The following GABRG3 variants were observed in gnomAD, a reference collection of about 807,000 sequenced individuals.
GABRG3 encodes gamma-aminobutyric acid receptor subunit gamma-3.
Under a neutral mutation model 48.8 loss-of-function variants are expected in GABRG3, and 25 were observed. That is an observed-to-expected ratio of 0.51 (90% CI 0.37 to 0.72). GABRG3 has a LOEUF of 0.72. GABRG3 is among the 30% of genes least tolerant of loss of function. The pLI is 0.00. For synonymous variants in GABRG3, 227 were observed against 217.6 expected, an observed-to-expected ratio of 1.04 and a Z score of -0.38; for missense variants, 394 against 577.9, an observed-to-expected ratio of 0.68 and a Z score of 3.26.
intron 3 of GABRG3, among the ~76,000 whole-genome samples, chr15:27,183,194 T>G (rs954111137): frequency 6.6e-6 from 1 of 152,202 alleles, no homozygotes; most frequent in Non-Finnish European, 1.5e-5. Flanking sequence ...TGCTTTATTT[T>G]CTTTCTAATA....
chr15:27,130,849 G>T (rs1281798608), intron 3 of GABRG3, among the ~76,000 whole-genome samples: 1 of 151,828 alleles, frequency 6.6e-6, no homozygotes, highest in Non-Finnish European at 1.5e-5. Flanking sequence ...ACTGATTTGG[G>T]GTGTTGACTT....
chr15:27,420,392 G>T (rs1241289017), intron 5 of GABRG3, among the ~76,000 whole-genome samples: 1 of 152,180 alleles, frequency 6.6e-6, no homozygotes, highest in Non-Finnish European at 1.5e-5. Context: ...TGAACTTGGG[G>T]TATGAAAGAA....
intron 3 of GABRG3, among the ~76,000 whole-genome samples, chr15:27,203,364 A>G (rs1888750795): frequency 6.6e-6 from 1 of 152,180 alleles, no homozygotes; most frequent in Non-Finnish European, 1.5e-5. Context: ...TGTTGCTGCA[A>G]AGGATATGAT....
chr15:27,074,353 G>T (rs1053058511), intron 3 of GABRG3, among the ~76,000 whole-genome samples: 1 of 152,102 alleles, frequency 6.6e-6, no homozygotes, highest in African/African-American at 2.4e-5. Flanking sequence ...GAGAGAGAGT[G>T]TTCCAGCAAG....
intron 3 of GABRG3, among the ~76,000 whole-genome samples, chr15:27,152,999 C>T (rs1034048511): frequency 6.6e-6 from 1 of 151,856 alleles, no homozygotes; most frequent in Non-Finnish European, 1.5e-5. Flanking sequence ...TAGCTGGGAC[C>T]ACAGGCACCC....
rs1328507467 is a variant in GABRG3 at position 27,308,213 on chromosome 15, CAT to C, written c.271-18590_271-18589del. 1.8e-4 allele frequency among the ~76,000 whole-genome samples: 8 copies of C among 45,498 alleles called. 1 individual carries two copies. The highest frequency in any genetic ancestry group is 8.1e-4 in the African/African-American group (7 of 8,650). 29.8% of individuals were successfully genotyped at this position (45,498 alleles called of 152,430 possible). A position where few individuals can be genotyped will look rare whatever the true frequency, so the allele number is the denominator to read the frequency against. On this transcript the variant is annotated intron_variant, in intron 3 of 9. Transcript: ENST00000615808. ...ATATAAACATGTTTATATATCCAAA[CAT>C]ATATAAACATGTTTATATATCCAAA...
At chr15:27,249,986 GT>G (rs1409943903) in intron 3 of GABRG3, among the ~76,000 whole-genome samples, 2 of 152,134 alleles carry the variant, frequency 1.3e-5, no homozygotes, top group Non-Finnish European at 2.9e-5. Context: ...AGTCTATGGG[GT>G]GGGGCTGAGT....
At chr15:27,227,388 C>T (rs1426877527) in intron 3 of GABRG3, among the ~76,000 whole-genome samples, 4 of 151,886 alleles carry the variant, frequency 2.6e-5, no homozygotes, top group Non-Finnish European at 4.4e-5. Flanking sequence ...TCCTTTGTTA[C>T]TTGGGAGGCT....
chr15:27,335,572 G>T (rs1275449766), intron 5 of GABRG3, among the ~76,000 whole-genome samples: 1 of 152,022 alleles, frequency 6.6e-6, no homozygotes, highest in Non-Finnish European at 1.5e-5. Flanking sequence ...GTCAAATAAG[G>T]CCAACAAAAA....
chr15:27,313,272 A>ATATATATATATATGTG (rs1555370922), intron 3 of GABRG3, among the ~76,000 whole-genome samples: 1 of 61,970 alleles, frequency 1.6e-5, no homozygotes, highest in East Asian at 6.6e-4. Context: ...GTATATATAT[A>ATATATATATATATGTG]TATATATATA....
intron 3 of GABRG3, among the ~76,000 whole-genome samples, chr15:27,087,634 A>G (rs1362757004): frequency 6.6e-6 from 1 of 151,944 alleles, no homozygotes; most frequent in African/African-American, 2.4e-5. Flanking sequence ...AATGTGTGAG[A>G]TTGTATGTGC....
intron 5 of GABRG3, among the ~76,000 whole-genome samples, chr15:27,458,405 C>G (rs1471161967): frequency 6.6e-6 from 1 of 152,202 alleles, no homozygotes. Context: ...AATTCTCACC[C>G]TGATTGAAAT....
intron 3 of GABRG3, among the ~76,000 whole-genome samples, chr15:27,118,063 T>C (rs1897672985): frequency 6.6e-6 from 1 of 152,202 alleles, no homozygotes; most frequent in Non-Finnish European, 1.5e-5. Context: ...TTAACCAGTT[T>C]CAAGGCTTCA....
intron 5 of GABRG3, among the ~76,000 whole-genome samples, chr15:27,406,531 CAT>C (rs1229763039): frequency 2.0e-5 from 3 of 152,166 alleles, no homozygotes; most frequent in Non-Finnish European, 4.4e-5. Context: ...CACTCATGCA[CAT>C]GTTTAGCCAC....
chr15:27,296,077 G>A (rs959463926), intron 3 of GABRG3, among the ~76,000 whole-genome samples: 3 of 152,122 alleles, frequency 2.0e-5, no homozygotes, highest in Non-Finnish European at 4.4e-5. Flanking sequence ...TGGTGAGCAG[G>A]ACCTGGGTGG....
intron 5 of GABRG3, among the ~76,000 whole-genome samples, chr15:27,468,347 C>T (rs1889680660): frequency 6.6e-6 from 1 of 152,026 alleles, no homozygotes; most frequent in South Asian, 2.1e-4. Flanking sequence ...GTGGAGACTT[C>T]TCAGAACTGT....
At position 27,101,390 on chromosome 15, in the gene GABRG3, G is replaced by A. The variant is rs564281078; in HGVS notation, c.270+74569G>A. On this transcript the variant is annotated intron_variant, in intron 3 of 9. Coordinates refer to ENST00000615808, the MANE Select transcript of GABRG3 (RefSeq NM_033223.5). ...AGTAAAGATGTCCATTTTTCCTTAC[G>A]TGATCTGCAGGTTTAATGCAATTCC... Among the ~76,000 whole-genome samples, 4 of 152,188 alleles carry A rather than the reference G, an allele frequency of 2.6e-5. No individual in the cohort carries two copies. The East Asian group carries it at 7.7e-4, about 29-fold the overall frequency.
intron 2 of GABRG3, among the ~76,000 whole-genome samples, chr15:26,998,803 G>A (rs1895387750): frequency 6.6e-6 from 1 of 152,162 alleles, no homozygotes; most frequent in South Asian, 2.1e-4. Flanking sequence ...AACGAATCTA[G>A]GGTGGAGGAA....
chr15:27,188,070 T>C (rs1435570913), intron 3 of GABRG3, among the ~76,000 whole-genome samples: 1 of 152,160 alleles, frequency 6.6e-6, no homozygotes, highest in Non-Finnish European at 1.5e-5. Flanking sequence ...TCATTTTTTA[T>C]GGCTGCATAG....
Sources: gnomAD v4.1 joint callset for allele counts (sites outside exome capture counted in the v4.1 genomes callset) on GRCh38, gnomAD v4.1.1 for gene constraint, MANE v1.5 for transcripts, NCBI Gene and HGNC (gene_info 2026-07-23, HGNC 2026-07-21) for gene names.